Variants in USF3 observed in about 807,000 individuals in gnomAD.
The protein encoded by USF3 is upstream transcription factor family member 3, also known as basic helix-loop-helix domain-containing protein USF3.
A neutral mutation model predicts 157.5 loss-of-function variants in USF3; 29 were observed. The observed-to-expected ratio is 0.18, with a 90% confidence interval of 0.14 to 0.25. The LOEUF (loss-of-function observed/expected upper bound fraction) is 0.25. Among genes scored for constraint, USF3 ranks in the 10% least tolerant of loss-of-function variants. The pLI, the probability that USF3 is intolerant of heterozygous loss-of-function variation, is 1.00. For synonymous variants in USF3, 893 were observed against 941.4 expected (o/e 0.95, Z 0.94); for missense variants, 2,381 against 2,667.6 (o/e 0.89, Z 2.37).
In USF3 at chr3:113,657,978, C is replaced by T; in HGVS notation, c.3704G>A (p.Ser1235Asn). ...ATTATTCACACTTAAACTGGTGATG[C>T]TTGGTGGCTGAGAAGTTGAATCCTG... ...SLQDSTSQPP[S>N]ITSLSVNNLI... Residue 1235 changes from serine to asparagine, a missense_variant, in exon 7 of 7, where the codon AGC (serine) becomes AAC (asparagine). Around this residue, in one of 6 missense-constraint regions of USF3, gnomAD observed 1,435 missense variants for 1,550.9 expected, o/e 0.93. Transcript: ENST00000316407. The T allele has an allele frequency of 1.2e-6, 2 of 1,614,094 alleles. No individual in the cohort carries two copies. Among genetic ancestry groups the T allele is most frequent in the Non-Finnish European group, 1.7e-6 (2 of 1,179,982 alleles).
intron 6 of USF3, 130 bp downstream of exon 6, chr3:113,664,183 C>A: frequency 3.5e-6 from 2 of 576,146 alleles, no homozygotes; most frequent in South Asian, 2.3e-5. Context: ...CTTCCAGACC[C>A]ACTGAATGCA....
chr3:113,694,819 C>T (rs997015580), intron 1 of USF3, among the ~76,000 whole-genome samples: 5 of 152,160 alleles, frequency 3.3e-5, no homozygotes, highest in Non-Finnish European at 7.4e-5. Flanking sequence ...CAGAGGCAGG[C>T]GGATCACCTG....
Position 113,658,716 on chromosome 3 carries a change from G to A in USF3, c.2966C>T (p.Ser989Leu), listed in dbSNP as rs768201006. 2.5e-6 allele frequency: 4 copies of A among 1,613,836 alleles called. No homozygotes were observed. The Admixed American group carries it at 5.0e-5, about 20-fold the overall frequency. ...IAEPCRVEQD[S>L]SDTMQTTGLL... ...ACCTGTGGTTTGCATTGTATCTGAT[G>A]AATCTTGCTCAACTCTGCAAGGTTC... Residue 989 changes from serine (S) to leucine (L), a missense_variant, in exon 7 of 7, where the codon TCA becomes TTA. Physicochemically the swap from Ser to Leu is moderately radical, Grantham distance 145. Around this residue, in one of 6 missense-constraint regions of USF3, gnomAD observed 1,435 missense variants for 1,550.9 expected, o/e 0.93. Transcript: ENST00000316407.
At position 113,658,787 on chromosome 3, in the gene USF3, T is replaced by C. The variant is rs1257939338; in HGVS notation, c.2895A>G (p.Thr965=). The change falls in exon 7 of 7, where the codon ACA becomes ACG. Residue 965 remains threonine (T), a synonymous_variant. Coordinates refer to ENST00000316407, the MANE Select transcript of USF3 (RefSeq NM_001009899.4). ...AAACACAGTCAGTACTTGTAGTGCTTGTTGTAGATGACAAACCAGGAACCT... is the reference window on the plus strand; with the variant it reads ...AAACACAGTCAGTACTTGTAGTGCTCGTTGTAGATGACAAACCAGGAACCT... ...VSQVPGLSST[T]STTSTDCVSE... 2 of 1,614,128 alleles carry C rather than the reference T, an allele frequency of 1.2e-6. No individual in the cohort carries two copies. Among genetic ancestry groups the C allele is most frequent in the Non-Finnish European group, 1.7e-6 (2 of 1,180,026 alleles).
chr3:113,660,854 A>G lies in USF3; in HGVS notation c.828T>C (p.Asn276=), dbSNP rs749720724. 10 of 1,614,084 alleles carry G rather than the reference A, an allele frequency of 6.2e-6. No individual in the cohort carries two copies. The Middle Eastern group carries it at 4.9e-4, about 80-fold the overall frequency. ...HQHHSLHTCL[N]DQNSSENKNG... ...TCTTATTTTCAGAAGAATTTTGATC[A>G]TTTAGGCATGTGTGCAAAGAATGAT... The change falls in exon 7 of 7, where the codon AAT becomes AAC. Residue 276 remains asparagine, a synonymous_variant. Coordinates refer to ENST00000316407, the MANE Select transcript of USF3 (RefSeq NM_001009899.4).
rs1947364589 is a variant in USF3 at position 113,656,617 on chromosome 3, T to G, written c.5065A>C (p.Ile1689Leu). The part of the protein sequence containing the change: ...SNSEQRMGIS[I>L]QGSRVSDQLE... ...TGATCTGAAACTCTGGAACCCTGAA[T>G]TGATATCCCCATTCTCTGCTCTGAA... The change falls in exon 7 of 7, where the codon ATT (isoleucine) becomes CTT (leucine). Residue 1689 changes from isoleucine (I) to leucine (L), a missense_variant. Ile to Leu is a conservative substitution (Grantham distance 5, BLOSUM62 2). Transcript: ENST00000316407. 6.2e-7 allele frequency: 1 copy of G among 1,614,246 alleles called. No homozygotes were observed. Among genetic ancestry groups the G allele is most frequent in the Non-Finnish European group, 8.5e-7 (1 of 1,180,032 alleles).
rs1238057005 is a variant in USF3, at chr3:113,657,793, G to C, written c.3889C>G (p.Gln1297Glu). The C allele has an allele frequency of 2.5e-6, 4 of 1,614,022 alleles. No individual in the cohort carries two copies. In the East Asian group the frequency reaches 8.9e-5, roughly 36 times the overall value. The change falls in exon 7 of 7, where the codon CAA (glutamine) becomes GAA (glutamate). Residue 1297 changes from glutamine to glutamate, a missense_variant. By Grantham distance (29) the Gln-to-Glu change is conservative. Coordinates refer to ENST00000316407, the MANE Select transcript of USF3 (RefSeq NM_001009899.4). ...PGPSLMTEYS[Q>E]EQLNTMTSTI... Reference sequence around the variant, plus strand: ...CTAGTCATAGTATTTAGCTGTTCTTGGGAATATTCAGTCATCAGAGATGGT... The same window carrying C: ...CTAGTCATAGTATTTAGCTGTTCTTCGGAATATTCAGTCATCAGAGATGGT...
Position 113,664,333 on chromosome 3 carries a change from T to C in USF3, c.236A>G (p.Asn79Ser), listed in dbSNP as rs147815584. The C allele has an allele frequency of 1.9e-6, 3 of 1,599,296 alleles. No homozygotes were observed. The African/African-American group carries it at 4.0e-5, about 21-fold the overall frequency. ...TTTACCTTGTTCATTGTTTCCTCCA[T>C]TAAGCAGGAGTTCATCATTTTGCCT... ...LKRQNDELLLNGGNNEQAEEI... is the reference protein window; with the variant it reads ...LKRQNDELLLSGGNNEQAEEI... The change falls in exon 6 of 7, where the codon AAT (asparagine) becomes AGT (serine). Residue 79 changes from asparagine to serine, a missense_variant. By Grantham distance (46) the Asn-to-Ser change is conservative. This residue lies in a region of USF3 where 105 missense variants were observed against 158.6 expected (regional missense o/e 0.66). Coordinates refer to ENST00000316407, the MANE Select transcript of USF3 (RefSeq NM_001009899.4).
At chr3:113,669,972 T>C in intron 5 of USF3, 149 bp downstream of exon 5, 1 of 590,232 alleles carries the variant, frequency 1.7e-6, no homozygotes, top group Middle Eastern at 2.7e-4. Context: ...GTTGGAAGAA[T>C]GGGAAGAATT....
chr3:113,664,251 T>C (rs888590623), intron 6 of USF3, 62 bp downstream of exon 6: 17 of 1,071,472 alleles, frequency 1.6e-5, no homozygotes, highest in Non-Finnish European at 1.8e-5. Context: ...TAAATTTCAC[T>C]GTGACACAAA....
rs1381565217 is a variant in USF3 at position 113,650,095 on chromosome 3, T to C, written c.*4849A>G. The C allele has an allele frequency of 3.8e-6, 2 of 520,874 alleles. No homozygotes were observed. The highest frequency in any genetic ancestry group is 3.4e-5 in the Admixed American group (1 of 29,190). 32.3% of individuals were successfully genotyped at this position (520,874 alleles called of 1,614,324 possible). On this transcript the variant is annotated 3_prime_UTR_variant, in exon 7 of 7. Transcript: ENST00000316407. ...TGGATGTACACAGCCACAGGCGCAC[T>C]ACCTCCAGGCAAAGGTAGCATTTAT...
intron 6 of USF3, among the ~76,000 whole-genome samples, chr3:113,663,938 A>G (rs1045131027): frequency 3.3e-5 from 5 of 152,342 alleles, no homozygotes; most frequent in African/African-American, 9.6e-5. Context: ...GGCATATCCT[A>G]ATCTTTTTAA....
intron 6 of USF3, among the ~76,000 whole-genome samples, chr3:113,663,590 A>G (rs1043619566): frequency 1.3e-5 from 2 of 152,176 alleles, no homozygotes; most frequent in Non-Finnish European, 2.9e-5. Flanking sequence ...ACCTCAGGCA[A>G]TTCTGCCCTT....
chr3:113,652,406 G>A lies in USF3; in HGVS notation c.*2538C>T, dbSNP rs1417708890. ...TTGTCTTGAGTAACTTATTCATGAA[G>A]CTCTCCTATTCTTCCCCAAGACCAT... On this transcript the variant is annotated 3_prime_UTR_variant, in exon 7 of 7. Transcript: ENST00000316407. 2.0e-5 allele frequency: 3 copies of A among 151,784 alleles called. No individual in the cohort carries two copies. Among genetic ancestry groups the A allele is most frequent in the Non-Finnish European group, 4.4e-5 (3 of 68,006 alleles). The allele number at this position is 151,784 out of a possible 1,614,324, so 9.4% of individuals were successfully genotyped here.
chr3:113,655,398 G>C lies in USF3; in HGVS notation c.6284C>G (p.Thr2095Ser). The C allele has an allele frequency of 6.2e-7, 1 of 1,614,150 alleles. No homozygotes were observed. The change falls in exon 7 of 7, where the codon ACT (threonine) becomes AGT (serine). Residue 2095 changes from threonine to serine, a missense_variant. Around this residue, in one of 6 missense-constraint regions of USF3, gnomAD observed 770 missense variants for 824.2 expected, o/e 0.93. Coordinates refer to ENST00000316407, the MANE Select transcript of USF3 (RefSeq NM_001009899.4). ...PQVTQPSATR[T>S]PALIPVDPQN... ...CGGATCTACCGGGATGAGGGCTGGA[G>C]TTCGAGTGGCACTAGGCTGAGTAAC...
chr3:113,682,642 C>A (rs1707460279), intron 1 of USF3, among the ~76,000 whole-genome samples: 1 of 152,074 alleles, frequency 6.6e-6, no homozygotes. Flanking sequence ...GGGTGTTCCT[C>A]TATTGGGTGC....
rs1227908937 is a variant in USF3 at position 113,657,875 on chromosome 3, C to T, written c.3807G>A (p.Val1269=). 1.2e-6 allele frequency: 2 copies of T among 1,614,056 alleles called. No homozygotes were observed. The highest frequency in any genetic ancestry group is 1.7e-6 in the Non-Finnish European group (2 of 1,180,044). ...AAACGGTCAGATTAACCGTTGCAGG[C>T]ACAGTTGTTTGCTCTGAAGTTGGGG... The part of the protein sequence containing the change: ...GLSPTSEQTT[V]PATVNLTVSS... The change falls in exon 7 of 7, where the codon GTG becomes GTA. Residue 1269 remains valine, a synonymous_variant. Transcript: ENST00000316407.
rs1947278214 is a variant in USF3 at position 113,652,312 on chromosome 3, G to C, written c.*2632C>G. ...GTTGCAGCTTAAAATTCAGTTAAGAGAATTAAAAAGCAAGTCATAAATGCC... is the reference window on the plus strand; with the variant it reads ...GTTGCAGCTTAAAATTCAGTTAAGACAATTAAAAAGCAAGTCATAAATGCC... On this transcript the variant is annotated 3_prime_UTR_variant, in exon 7 of 7. Coordinates refer to ENST00000316407, the MANE Select transcript of USF3 (RefSeq NM_001009899.4). 1.3e-5 allele frequency: 2 copies of C among 151,986 alleles called. No individual in the cohort carries two copies. The highest frequency in any genetic ancestry group is 1.3e-4 in the Admixed American group (2 of 15,248). 9.4% of individuals were successfully genotyped at this position (151,986 alleles called of 1,614,324 possible).
At chr3:113,687,517 A>G (rs1254086623) in intron 1 of USF3, among the ~76,000 whole-genome samples, 1 of 152,242 alleles carries the variant, frequency 6.6e-6, no homozygotes, top group East Asian at 1.9e-4. Context: ...ATGTACAGAC[A>G]CAGATCTACA....
Sources: gnomAD v4.1 joint callset for allele counts (sites outside exome capture counted in the v4.1 genomes callset) on GRCh38, gnomAD v4.1.1 for gene constraint, gnomAD v4.1.1 regional missense constraint, MANE v1.5 for transcripts, NCBI Gene and HGNC (gene_info 2026-07-23, HGNC 2026-07-21) for gene names.